The following FGF19 variants were observed in gnomAD, a reference collection of about 807,000 sequenced individuals.
The protein encoded by FGF19 is fibroblast growth factor 19.
A neutral mutation model predicts 8.9 loss-of-function variants in FGF19; 5 were observed. The ratio of observed to expected loss-of-function variants is 0.56; its 90% CI spans 0.29 to 1.18. The LOEUF is 1.18. Ranked by LOEUF, FGF19 falls within the 50% of genes most tolerant of loss-of-function variation. FGF19 has a pLI of 0.08. For synonymous variants in FGF19, 124 were observed against 128.0 expected, an observed-to-expected ratio of 0.97 and a Z score of 0.21; for missense variants, 237 against 293.9, an observed-to-expected ratio of 0.81 and a Z score of 1.42.
At position 69,702,728 on chromosome 11, in the gene FGF19, T is replaced by A. The variant is rs1229358054; in HGVS notation, c.336+533A>T. Among the ~76,000 whole-genome samples, 1 of 152,162 alleles carries A rather than the reference T, an allele frequency of 6.6e-6. No homozygotes were observed. Among genetic ancestry groups the A allele is most frequent in the Non-Finnish European group, 1.5e-5 (1 of 68,030 alleles). On this transcript the variant is annotated intron_variant, in intron 2 of 2. Coordinates refer to ENST00000294312, the MANE Select transcript of FGF19 (RefSeq NM_005117.3). The surrounding 1 kb of genome is among the most constrained non-coding windows in gnomAD (Gnocchi z 4.6). The stretch of plus-strand genomic sequence containing the variant: ...CGTCTAAGCCACACCGTGCTCCTGG[T>A]AGATTAAAAATTAATTCTAAAAAAA...
Position 69,698,875 on chromosome 11 carries a change from G to A in FGF19, c.*387C>T. On this transcript the variant is annotated 3_prime_UTR_variant, in exon 3 of 3. Coordinates refer to ENST00000294312, the MANE Select transcript of FGF19 (RefSeq NM_005117.3). The stretch of plus-strand genomic sequence containing the variant: ...AAATTAAAACTACTGCCTGTCTTCT[G>A]GCTGCTCCTGGGGAAGTGATGAGAA... The A allele has an allele frequency of 4.0e-6, 1 of 247,418 alleles. No homozygotes were observed. The highest frequency in any genetic ancestry group is 7.9e-6 in the Non-Finnish European group (1 of 125,944). 15.3% of individuals were successfully genotyped at this position (247,418 alleles called of 1,614,324 possible).
intron 2 of FGF19, among the ~76,000 whole-genome samples, chr11:69,701,606 C>CAAAA (rs35300469): frequency 3.8e-4 from 23 of 59,796 alleles, no homozygotes; most frequent in Non-Finnish European, 5.1e-4. Flanking sequence ...GACTCCGTCT[C>CAAAA]AAAAAAAAAA....
Position 69,703,607 on chromosome 11 carries a change from G to T in FGF19, c.232+38C>A. On this transcript the variant is annotated intron_variant, in intron 1 of 2. Coordinates refer to ENST00000294312, the MANE Select transcript of FGF19 (RefSeq NM_005117.3). The surrounding 1 kb of genome is among the most constrained non-coding windows in gnomAD (Gnocchi z 6.8). ...GGGCGCGCGCAGCGGGGTGGGGTGC[G>T]CGCGGCGGGGCGGGCGGGGGTGCTG... is the stretch of plus-strand genomic sequence containing the variant. The T allele has an allele frequency of 1.9e-6, 2 of 1,058,278 alleles. No homozygotes were observed. The highest frequency in any genetic ancestry group is 2.4e-6 in the Non-Finnish European group (2 of 833,996). The allele number at this position is 1,058,278 out of a possible 1,614,324, so 65.6% of individuals were successfully genotyped here.
rs1223592601 is a variant in FGF19, at chr11:69,702,324, T to G, written c.336+937A>C. 6.6e-6 allele frequency among the ~76,000 whole-genome samples: 1 copy of G among 152,168 alleles called. No homozygotes were observed. Among genetic ancestry groups the G allele is most frequent in the Non-Finnish European group, 1.5e-5 (1 of 68,018 alleles). On this transcript the variant is annotated intron_variant, in intron 2 of 2. Coordinates refer to ENST00000294312, the MANE Select transcript of FGF19 (RefSeq NM_005117.3). This position sits in a 1 kb window ranked among gnomAD's most constrained non-coding sequence, Gnocchi z 4.6. ...TCCCGCTGTTCACAAAGGAGCTGGT[T>G]GGGCCGGAGGCGGCCCCGCCTCTGC...
In FGF19 at chr11:69,704,020, G is replaced by T. The variant is rs1329607898; in HGVS notation, c.-144C>A. 1 of 473,850 alleles carries T rather than the reference G, an allele frequency of 2.1e-6. No homozygotes were observed. The highest frequency in any genetic ancestry group is 4.4e-5 in the Admixed American group (1 of 22,768). 29.4% of individuals were successfully genotyped at this position (473,850 alleles called of 1,614,324 possible). Reference sequence around the variant, plus strand: ...CTGGACGCAGCGCTCCTGCTCTGACGGCGCGGCGGCTCCGGGCCGGCAGCC... The same window carrying T: ...CTGGACGCAGCGCTCCTGCTCTGACTGCGCGGCGGCTCCGGGCCGGCAGCC... On this transcript the variant is annotated 5_prime_UTR_variant, in exon 1 of 3. Transcript: ENST00000294312.
At position 69,698,506 on chromosome 11, in the gene FGF19, G is replaced by A. The variant is rs1854730944; in HGVS notation, c.*756C>T. 1 of 188,850 alleles carries A rather than the reference G, an allele frequency of 5.3e-6. No individual in the cohort carries two copies. The highest frequency in any genetic ancestry group is 2.3e-5 in the African/African-American group (1 of 42,828). The allele number at this position is 188,850 out of a possible 1,614,324, so 11.7% of individuals were successfully genotyped here. On this transcript the variant is annotated 3_prime_UTR_variant, in exon 3 of 3. Transcript: ENST00000294312. ...AGAAGTGCAGGTTGACATAAGGTGG[G>A]GGGCCTGGGAGGCCCCAATCCATGG...
Position 69,703,710 on chromosome 11 carries a change from G to C in FGF19, c.167C>G (p.Ser56Cys), listed in dbSNP as rs1854804680. 1 of 1,233,434 alleles carries C rather than the reference G, an allele frequency of 8.1e-7. No homozygotes were observed. The highest frequency in any genetic ancestry group is 4.1e-5 in the South Asian group (1 of 24,450). 76.4% of individuals were successfully genotyped at this position (1,233,434 alleles called of 1,614,324 possible). A position where few individuals can be genotyped will look rare whatever the true frequency, so the allele number is the denominator to read the frequency against. The part of the protein sequence containing the change: ...HLYTSGPHGL[S>C]SCFLRIRADG... ...GGCACGGATGCGCAGGAAGCAGCTG[G>C]AGAGCCCGTGGGGGCCGGAGGTGTA... The change falls in exon 1 of 3, where the codon TCC (serine) becomes TGC (cysteine). Residue 56 changes from serine to cysteine, a missense_variant. Coordinates refer to ENST00000294312, the MANE Select transcript of FGF19 (RefSeq NM_005117.3). The surrounding 1 kb of genome is among the most constrained non-coding windows in gnomAD (Gnocchi z 6.8).
chr11:69,701,923 T>C (rs1211366165), intron 2 of FGF19, among the ~76,000 whole-genome samples: 7 of 125,030 alleles, frequency 5.6e-5, no homozygotes, highest in Admixed American at 4.8e-4. Flanking sequence ...AGCCGAGATC[T>C]GGCCACTGCA....
chr11:69,699,727 G>A, intron 2 of FGF19, 151 bp from the exon 3 acceptor site: 1 of 599,600 alleles, frequency 1.7e-6, no homozygotes, highest in Admixed American at 3.1e-5. Flanking sequence ...ACTTCCTGAT[G>A]TACACACTGT....
At chr11:69,701,636 C>G (rs1388906311) in intron 2 of FGF19, among the ~76,000 whole-genome samples, 1 of 141,672 alleles carries the variant, frequency 7.1e-6, no homozygotes, top group Non-Finnish European at 1.5e-5. Context: ...AAAAGATCCT[C>G]AATTTCTGTT....
chr11:69,699,211 G>T lies in FGF19; in HGVS notation c.*51C>A. 7.3e-7 allele frequency: 1 copy of T among 1,372,698 alleles called. No homozygotes were observed. The highest frequency in any genetic ancestry group is 1.0e-6 in the Non-Finnish European group (1 of 991,408). The allele number at this position is 1,372,698 out of a possible 1,614,324, so 85.0% of individuals were successfully genotyped here. A position where few individuals can be genotyped will look rare whatever the true frequency, so the allele number is the denominator to read the frequency against. ...CTTGTAGAAGCACGTCCCCCACGCT[G>T]CAGGTACCACAGCCCCTGGCAGCAG... is the stretch of plus-strand genomic sequence containing the variant. On this transcript the variant is annotated 3_prime_UTR_variant, in exon 3 of 3. Transcript: ENST00000294312.
chr11:69,698,442 T>TG lies in FGF19; in HGVS notation c.*819dup. The TG allele has an allele frequency of 5.3e-6, 1 of 187,184 alleles. No homozygotes were observed. Among genetic ancestry groups the TG allele is most frequent in the African/African-American group, 2.3e-5 (1 of 42,824 alleles). The allele number at this position is 187,184 out of a possible 1,614,324, so 11.6% of individuals were successfully genotyped here. ...CACACAGCAAGTTATTGACAAGACT[T>TG]GGGGTCTTCAAATCTTTTCTTTTCC... On this transcript the variant is annotated 3_prime_UTR_variant, in exon 3 of 3. Transcript: ENST00000294312.
chr11:69,700,212 A>T (rs1854753190), intron 2 of FGF19, among the ~76,000 whole-genome samples: 1 of 152,082 alleles, frequency 6.6e-6, no homozygotes, highest in African/African-American at 2.4e-5. Context: ...TAACCCATTA[A>T]TAAATTAAAT....
chr11:69,699,913 T>C (rs1854750257), intron 2 of FGF19, among the ~76,000 whole-genome samples: 1 of 151,936 alleles, frequency 6.6e-6, no homozygotes, highest in Non-Finnish European at 1.5e-5. Context: ...ATGGTAAAAT[T>C]CCATCTTGAC....
chr11:69,699,291 C>T lies in FGF19; in HGVS notation c.622G>A (p.Ala208Thr). 1.2e-6 allele frequency: 2 copies of T among 1,613,280 alleles called. No individual in the cohort carries two copies. Among genetic ancestry groups the T allele is most frequent in the Non-Finnish European group, 1.7e-6 (2 of 1,179,450 alleles). The change falls in exon 3 of 3, where the codon GCC (alanine) becomes ACC (threonine). Residue 208 changes from alanine to threonine, a missense_variant. Transcript: ENST00000294312. ...DPFGLVTGLE[A>T]VRSPSFEK is the part of the protein sequence containing the mutation. ...TTCTCAAAGCTGGGACTCCTCACGGCCTCCAGTCCGGTGACAAGCCCAAAT... is the reference window on the plus strand; with the variant it reads ...TTCTCAAAGCTGGGACTCCTCACGGTCTCCAGTCCGGTGACAAGCCCAAAT...
Position 69,703,691 on chromosome 11 carries a change from G to C in FGF19, c.186C>G (p.Ile62Met). The C allele has an allele frequency of 1.6e-6, 2 of 1,232,752 alleles. No homozygotes were observed. The highest frequency in any genetic ancestry group is 2.0e-6 in the Non-Finnish European group (2 of 988,454). 76.4% of individuals were successfully genotyped at this position (1,232,752 alleles called of 1,614,324 possible). A position where few individuals can be genotyped will look rare whatever the true frequency, so the allele number is the denominator to read the frequency against. ...CGCAGTCCACGACGCCGTCGGCACG[G>C]ATGCGCAGGAAGCAGCTGGAGAGCC... ...PHGLSSCFLRIRADGVVDCAR... is the reference protein window; with the variant it reads ...PHGLSSCFLRMRADGVVDCAR... Residue 62 changes from isoleucine (I) to methionine (M), a missense_variant, in exon 1 of 3, where the codon ATC (isoleucine) becomes ATG (methionine). Transcript: ENST00000294312. The surrounding 1 kb of genome is among the most constrained non-coding windows in gnomAD (Gnocchi z 6.8).
At chr11:69,701,606 C>CA (rs35300469) in intron 2 of FGF19, among the ~76,000 whole-genome samples, 44,106 of 59,998 alleles carry the variant, frequency 0.74, 16,522 homozygotes, top group East Asian at 0.82. Flanking sequence ...GACTCCGTCT[C>CA]AAAAAAAAAA....
chr11:69,701,960 T>C (rs1590932183), intron 2 of FGF19, among the ~76,000 whole-genome samples: 2 of 57,014 alleles, frequency 3.5e-5, no homozygotes. Context: ...AGAGCAAGAC[T>C]CTGCCAAAAA....
At chr11:69,699,663 G>T in intron 2 of FGF19, 87 bp from the exon 3 acceptor site, 2 of 1,068,414 alleles carry the variant, frequency 1.9e-6, no homozygotes, top group East Asian at 2.6e-5. Context: ...GACTGTCCCT[G>T]GTGGCCACCA....
Sources: allele counts gnomAD v4.1 joint callset (sites outside exome capture counted in the v4.1 genomes callset), GRCh38; gene constraint gnomAD v4.1.1; non-coding constraint Gnocchi (gnomAD v3.1); transcripts MANE v1.5; gene names NCBI Gene and HGNC (gene_info 2026-07-23, HGNC 2026-07-21).